Variants in COL19A1 observed in about 807,000 individuals in gnomAD.
The protein encoded by COL19A1 is collagen type XIX alpha 1 chain.
In COL19A1, 159 loss-of-function variants were observed where a neutral mutation model predicts 190.2. The observed-to-expected ratio is 0.84, with a 90% confidence interval of 0.73 to 0.95. The LOEUF (loss-of-function observed/expected upper bound fraction) is 0.95. COL19A1 is among the 40% of genes least tolerant of loss of function. The pLI is 0.00. For synonymous variants in COL19A1, 509 were observed against 458.9 expected, an observed-to-expected ratio of 1.11 and a Z score of -1.39; for missense variants, 1,418 against 1,431.9, an observed-to-expected ratio of 0.99 and a Z score of 0.16.
chr6:69,908,501 C>T (rs1770703538), intron 4 of COL19A1, among the ~76,000 whole-genome samples: 1 of 152,074 alleles, frequency 6.6e-6, no homozygotes, highest in Non-Finnish European at 1.5e-5. Flanking sequence ...TTAAGTCATA[C>T]TTTTTTTAAA....
intron 9 of COL19A1, among the ~76,000 whole-genome samples, chr6:69,953,938 T>C (rs573061724): frequency 3.5e-4 from 53 of 152,040 alleles, no homozygotes; most frequent in Admixed American, 9.2e-4. Context: ...ATATAACTGG[T>C]ATTTTATAAA....
intron 11 of COL19A1, among the ~76,000 whole-genome samples, chr6:69,987,992 G>T (rs922434486): frequency 2.6e-5 from 4 of 152,142 alleles, no homozygotes; most frequent in Non-Finnish European, 4.4e-5. Context: ...GACCCTTAAA[G>T]CTTTAAACCA....
intron 2 of COL19A1, among the ~76,000 whole-genome samples, chr6:69,884,155 T>C (rs567468825): frequency 4.5e-4 from 69 of 151,934 alleles, no homozygotes; most frequent in Non-Finnish European, 7.4e-4. Context: ...GCCAGCATGG[T>C]GAAATCCTGT....
chr6:70,107,218 T>TAAG (rs1784031153), intron 16 of COL19A1, among the ~76,000 whole-genome samples: 1 of 152,198 alleles, frequency 6.6e-6, no homozygotes, highest in South Asian at 2.1e-4. Context: ...ACAGTTCAAC[T>TAAG]AAGATTATTC....
At chr6:69,951,655 CAAT>C (rs1333898501) in intron 9 of COL19A1, among the ~76,000 whole-genome samples, 6 of 151,818 alleles carry the variant, frequency 4.0e-5, no homozygotes, top group African/African-American at 1.2e-4. Context: ...TAAACTTTTA[CAAT>C]AATAATAATA....
chr6:70,102,137 G>A (rs911511326), intron 15 of COL19A1, 32 bp from the exon 16 acceptor site: 1 of 1,556,620 alleles, frequency 6.4e-7, no homozygotes, highest in Non-Finnish European at 8.9e-7. Flanking sequence ...TGGAGTCACA[G>A]TATTTATCAT....
chr6:70,094,798 T>G lies in COL19A1; in HGVS notation c.1225-7371T>G, dbSNP rs544984993. ...AGCCTTGTATCTTTTTTTCTTGCTG[T>G]TAATAGTGACCCTCTGTGTCCTTGT... On this transcript the variant is annotated intron_variant, in intron 15 of 50. Coordinates refer to ENST00000620364, the MANE Select transcript of COL19A1 (RefSeq NM_001858.6). Among the ~76,000 whole-genome samples the G allele has an allele frequency of 2.0e-5, 3 of 152,286 alleles. No individual in the cohort carries two copies. The South Asian group carries it at 6.2e-4, about 32-fold the overall frequency.
intron 24 of COL19A1, 30 bp downstream of exon 24, chr6:70,144,293 G>T: frequency 6.4e-7 from 1 of 1,563,256 alleles, no homozygotes; most frequent in Non-Finnish European, 8.8e-7. Flanking sequence ...CATTTTATAT[G>T]TTAAGTAGAT....
rs1768053239 is a variant in COL19A1, at chr6:70,209,172, T to G, written c.*1898T>G. ...GAAAAAGTGTACATAGATCTAAAAT[T>G]TGGTGCTATGTGTATATCTTGAGCT... On this transcript the variant is annotated 3_prime_UTR_variant, in exon 51 of 51. Transcript: ENST00000620364. The G allele has an allele frequency of 2.0e-5, 3 of 152,612 alleles. No homozygotes were observed. The highest frequency in any genetic ancestry group is 7.2e-5 in the African/African-American group (3 of 41,454). The allele number at this position is 152,612 out of a possible 1,614,324, so 9.5% of individuals were successfully genotyped here. A position where few individuals can be genotyped will look rare whatever the true frequency, so the allele number is the denominator to read the frequency against.
chr6:69,890,665 C>G (rs578212681), intron 2 of COL19A1: 1 of 152,194 alleles, frequency 6.6e-6, no homozygotes, highest in Admixed American at 6.5e-5. Flanking sequence ...CATACTTGTA[C>G]TAAAAATATT....
intron 18 of COL19A1, among the ~76,000 whole-genome samples, chr6:70,131,966 C>A (rs927796045): frequency 6.6e-6 from 1 of 152,152 alleles, no homozygotes; most frequent in African/African-American, 2.4e-5. Context: ...AAGCCAGTGG[C>A]ATAACTGTTC....
In COL19A1 at chr6:69,966,334, G is replaced by A. The variant is rs1490641230; in HGVS notation, c.1026+3464G>A. On this transcript the variant is annotated intron_variant, in intron 11 of 50. Coordinates refer to ENST00000620364, the MANE Select transcript of COL19A1 (RefSeq NM_001858.6). ...GGCGGTTTTGTGAAATAGAAAAGGG[G>A]GAAATGTGGGGAAAAGAAAGAGAGA... 2.6e-5 allele frequency among the ~76,000 whole-genome samples: 4 copies of A among 152,178 alleles called. No individual in the cohort carries two copies. The East Asian group carries it at 5.8e-4, about 22-fold the overall frequency.
chr6:70,082,933 A>G (rs963183672), intron 15 of COL19A1, among the ~76,000 whole-genome samples: 11 of 152,134 alleles, frequency 7.2e-5, no homozygotes, highest in Admixed American at 6.6e-4. Context: ...TCATACTCCT[A>G]TGAGAATCTA....
intron 15 of COL19A1, among the ~76,000 whole-genome samples, chr6:70,095,241 T>C (rs1240791570): frequency 1.3e-5 from 2 of 152,228 alleles, no homozygotes; most frequent in Admixed American, 6.5e-5. Context: ...TACTTTTCCA[T>C]TGTATGAATA....
chr6:69,878,872 A>C (rs1263677847), intron 1 of COL19A1, among the ~76,000 whole-genome samples: 1 of 152,222 alleles, frequency 6.6e-6, no homozygotes, highest in Non-Finnish European at 1.5e-5. Context: ...TCAGCTTTAA[A>C]AGAGGAGGAA....
At chr6:70,187,242 C>G (rs973273256) in intron 46 of COL19A1, among the ~76,000 whole-genome samples, 1 of 152,144 alleles carries the variant, frequency 6.6e-6, no homozygotes, top group Admixed American at 6.5e-5. Context: ...CATCCTCCCC[C>G]CAGTCACCTG....
chr6:70,092,388 C>T (rs1334664571), intron 15 of COL19A1, among the ~76,000 whole-genome samples: 4 of 152,150 alleles, frequency 2.6e-5, no homozygotes, highest in African/African-American at 9.7e-5. Flanking sequence ...ATAATTGTCC[C>T]TTCTCTTCCA....
intron 15 of COL19A1, among the ~76,000 whole-genome samples, chr6:70,073,677 G>A (rs2150155832): frequency 6.6e-6 from 1 of 152,254 alleles, no homozygotes; most frequent in South Asian, 2.1e-4. Context: ...TTGAGGCCCA[G>A]TGTTGATCTA....
intron 41 of COL19A1, among the ~76,000 whole-genome samples, chr6:70,173,606 T>C (rs1294579141): frequency 1.3e-5 from 2 of 152,154 alleles, no homozygotes; most frequent in Non-Finnish European, 2.9e-5. Flanking sequence ...GATTTAGCAA[T>C]GTAGAGGTCA....
Sources: allele counts gnomAD v4.1 joint callset (sites outside exome capture counted in the v4.1 genomes callset), GRCh38; gene constraint gnomAD v4.1.1; transcripts MANE v1.5; gene names NCBI Gene and HGNC (gene_info 2026-07-23, HGNC 2026-07-21).